The following ANK2 variants were observed in gnomAD, a reference collection of about 807,000 sequenced individuals.
ANK2 encodes ankyrin-2.
ANK2 carries 83 observed loss-of-function variants against 360.5 expected under a neutral mutation model. The ratio of observed to expected loss-of-function variants is 0.23; its 90% confidence interval spans 0.19 to 0.28. ANK2 has a LOEUF of 0.28. Ranked by LOEUF, ANK2 falls within the 10% of genes least tolerant of loss-of-function variation. ANK2 has a pLI of 1.00. For missense variants in ANK2, 4,201 were observed against 4,795.7 expected, an observed-to-expected ratio of 0.88 and a Z score of 3.66; for synonymous variants, 1,740 against 1,759.5, an observed-to-expected ratio of 0.99 and a Z score of 0.28.
the ANK2 span, among the ~76,000 whole-genome samples, chr4:112,774,775 A>G: frequency 6.6e-6 from 1 of 152,378 alleles, no homozygotes. Flanking sequence ...AGACCACCAC[A>G]TCATTTAAGC....
intron 1 of ANK2, among the ~76,000 whole-genome samples, chr4:112,842,153 G>A (rs901001312): frequency 6.6e-6 from 1 of 152,016 alleles, no homozygotes; most frequent in Non-Finnish European, 1.5e-5. Flanking sequence ...GGAATTACAG[G>A]CGCCCACAAC....
At chr4:112,773,931 G>A in the ANK2 span, among the ~76,000 whole-genome samples, 8 of 152,166 alleles carry the variant, frequency 5.3e-5, no homozygotes, top group East Asian at 1.2e-3. Flanking sequence ...CTCCCAAGTA[G>A]CTGGGACTAC....
At chr4:112,830,131 A>G (rs1158274810) in intron 1 of ANK2, among the ~76,000 whole-genome samples, 2 of 152,216 alleles carry the variant, frequency 1.3e-5, no homozygotes. Context: ...ACCCTTTGAC[A>G]CAGCGTCTCA....
At chr4:113,033,907 T>C (rs1227029749) in intron 2 of ANK2, 2 of 152,036 alleles carry the variant, frequency 1.3e-5, no homozygotes, top group Admixed American at 1.3e-4. Flanking sequence ...TTAACTATCT[T>C]GAACAATGTG....
chr4:113,236,927 G>C, intron 5 of ANK2, 60 bp from the exon 6 acceptor site: 3 of 1,539,260 alleles, frequency 1.9e-6, no homozygotes, highest in Non-Finnish European at 2.7e-6. Context: ...TCATTGCTTA[G>C]AACTAAATCT....
intron 1 of ANK2, among the ~76,000 whole-genome samples, chr4:112,824,219 A>C (rs1251092762): frequency 1.3e-5 from 2 of 151,978 alleles, no homozygotes. Flanking sequence ...TTGTTCTGTC[A>C]CCCAGGCTGG....
intron 2 of ANK2, among the ~76,000 whole-genome samples, chr4:112,920,374 A>G (rs1415417466): frequency 6.6e-6 from 1 of 152,218 alleles, no homozygotes; most frequent in Non-Finnish European, 1.5e-5. Flanking sequence ...AAATGTCCAT[A>G]TATACTGCCT....
chr4:112,957,661 C>G (rs2030450059), intron 2 of ANK2, among the ~76,000 whole-genome samples: 1 of 150,980 alleles, frequency 6.6e-6, no homozygotes. Context: ...CCCCACCTCC[C>G]TCCCGGACGG....
chr4:113,249,128 A>G (rs1423223550), intron 9 of ANK2, among the ~76,000 whole-genome samples: 3 of 152,194 alleles, frequency 2.0e-5, no homozygotes, highest in African/African-American at 4.8e-5. Context: ...GGTTCTATTT[A>G]TTAATAATAA....
chr4:112,889,762 C>T lies in ANK2; in HGVS notation c.-39-14693C>T, dbSNP rs2079434908. Among the ~76,000 whole-genome samples, 3 of 152,048 alleles carry T rather than the reference C, an allele frequency of 2.0e-5. No homozygotes were observed. The South Asian group carries it at 6.2e-4, about 32-fold the overall frequency. On this transcript the variant is annotated intron_variant, in intron 1 of 30. Coordinates refer to the ANK2 transcript ENST00000503271. ...GTCTTTACTTCACATCCCAGCTGTTCGAGAATTGCTAAATCCATAGGGAGT... is the reference window on the plus strand; with the variant it reads ...GTCTTTACTTCACATCCCAGCTGTTTGAGAATTGCTAAATCCATAGGGAGT...
chr4:112,967,629 G>T (rs989709008), intron 2 of ANK2, among the ~76,000 whole-genome samples: 7 of 152,270 alleles, frequency 4.6e-5, no homozygotes, highest in African/African-American at 1.7e-4. Flanking sequence ...AAAATTTGTA[G>T]TAAGTCAAAA....
intron 2 of ANK2, among the ~76,000 whole-genome samples, chr4:112,928,140 T>A (rs181814878): frequency 1.3e-5 from 2 of 152,330 alleles, no homozygotes; most frequent in East Asian, 3.9e-4. Flanking sequence ...TTTAGAATTC[T>A]GATTATACAT....
the ANK2 span, among the ~76,000 whole-genome samples, chr4:112,791,369 T>A: frequency 6.6e-6 from 1 of 152,188 alleles, no homozygotes; most frequent in African/African-American, 2.4e-5. Context: ...TAGGGGTACA[T>A]ATTCGTAAAA....
intron 39 of ANK2, among the ~76,000 whole-genome samples, chr4:113,361,235 T>G (rs1261053570): frequency 6.6e-6 from 1 of 152,132 alleles, no homozygotes; most frequent in African/African-American, 2.4e-5. Context: ...TTTATCAAAT[T>G]TAATGTGAGA....
At chr4:112,743,195 A>G in the ANK2 span, among the ~76,000 whole-genome samples, 1 of 152,318 alleles carries the variant, frequency 6.6e-6, no homozygotes, top group African/African-American at 2.4e-5. Context: ...TTTTGGGGAC[A>G]GAAACATGAA....
At chr4:113,330,965 C>A (rs2092303112) in intron 27 of ANK2, among the ~76,000 whole-genome samples, 1 of 152,046 alleles carries the variant, frequency 6.6e-6, no homozygotes, top group Non-Finnish European at 1.5e-5. Context: ...CTACCTTGAG[C>A]CTTATCATTA....
At chr4:113,351,360 G>A (rs1373651739) in intron 37 of ANK2, among the ~76,000 whole-genome samples, 4 of 152,116 alleles carry the variant, frequency 2.6e-5, no homozygotes, top group Non-Finnish European at 2.9e-5. Context: ...TGCTTTGAAT[G>A]AGGCTTACCC....
At chr4:113,149,874 C>CAAAAAAAAAAAAAAAAA (rs34667216) in intron 1 of ANK2, among the ~76,000 whole-genome samples, 8 of 31,410 alleles carry the variant, frequency 2.5e-4, no homozygotes, top group African/African-American at 9.0e-4. Context: ...GACCCTGCCT[C>CAAAAAAAAAAAAAAAAA]AAAAAAAAAA....
the ANK2 span, chr4:112,706,773 T>G: frequency 6.6e-6 from 1 of 152,238 alleles, no homozygotes; most frequent in East Asian, 1.9e-4. Context: ...GCATTAGCCA[T>G]GTAGTACAGA....
Sources: allele counts gnomAD v4.1 joint callset (sites outside exome capture counted in the v4.1 genomes callset), GRCh38; gene constraint gnomAD v4.1.1; transcripts MANE v1.5; gene names NCBI Gene and HGNC (gene_info 2026-07-23, HGNC 2026-07-21).